Variants in YIPF4 observed in about 807,000 individuals in gnomAD.
YIPF4 encodes the protein protein YIPF4.
YIPF4 carries 18 observed loss-of-function variants against 29.4 expected under a neutral mutation model. The observed-to-expected ratio is 0.61, with a 90% confidence interval of 0.42 to 0.91. The LOEUF is 0.91. Ranked by LOEUF, YIPF4 falls within the 40% of genes least tolerant of loss-of-function variation. YIPF4 has a pLI of 0.00. For synonymous variants in YIPF4, 115 were observed against 104.7 expected (o/e 1.10, Z -0.60); for missense variants, 279 against 282.7 (o/e 0.99, Z 0.09).
chr2:32,280,200 T>C (rs926275280), intron 1 of YIPF4, among the ~76,000 whole-genome samples: 2 of 151,814 alleles, frequency 1.3e-5, no homozygotes, highest in African/African-American at 4.8e-5. Flanking sequence ...CAGTCTTGGC[T>C]CACTGCAAGC....
chr2:32,299,017 A>G (rs1188735035), intron 4 of YIPF4, among the ~76,000 whole-genome samples: 1 of 151,984 alleles, frequency 6.6e-6, no homozygotes, highest in Non-Finnish European at 1.5e-5. Flanking sequence ...AGCTAGGATT[A>G]CAAGCACCTG....
rs1207995924 is a variant in YIPF4 at position 32,316,190 on chromosome 2, A to G, written c.*10564A>G. Reference sequence around the variant, plus strand: ...GTAGGACTTATGTAGACAAAGGACTAATTTTCTTAATAAAAACATTTATCA... The same window carrying G: ...GTAGGACTTATGTAGACAAAGGACTGATTTTCTTAATAAAAACATTTATCA... On this transcript the variant is annotated 3_prime_UTR_variant, in exon 6 of 6. Coordinates refer to ENST00000238831, the MANE Select transcript of YIPF4 (RefSeq NM_032312.4). The G allele has an allele frequency of 6.6e-6, 1 of 152,198 alleles. No individual in the cohort carries two copies. Among genetic ancestry groups the G allele is most frequent in the Non-Finnish European group, 1.5e-5 (1 of 68,034 alleles). The allele number at this position is 152,198 out of a possible 1,614,324, so 9.4% of individuals were successfully genotyped here.
intron 1 of YIPF4, among the ~76,000 whole-genome samples, chr2:32,288,551 G>A (rs1317103610): frequency 1.3e-5 from 2 of 152,156 alleles, no homozygotes; most frequent in African/African-American, 4.8e-5. Context: ...GCTCACACCT[G>A]TAATCCCAGC....
At chr2:32,300,999 G>C (rs982215295) in intron 4 of YIPF4, among the ~76,000 whole-genome samples, 2 of 152,114 alleles carry the variant, frequency 1.3e-5, no homozygotes, top group African/African-American at 4.8e-5. Context: ...TAACATCTAG[G>C]TTCTCTAGAC....
chr2:32,299,843 G>C (rs1153121), intron 4 of YIPF4, among the ~76,000 whole-genome samples: 1 of 151,890 alleles, frequency 6.6e-6, no homozygotes, highest in Non-Finnish European at 1.5e-5. Context: ...TTTTGAGCTG[G>C]GTGTGCTGGC....
intron 1 of YIPF4, among the ~76,000 whole-genome samples, chr2:32,279,206 C>T (rs1449955485): frequency 1.3e-5 from 2 of 151,886 alleles, no homozygotes; most frequent in Admixed American, 6.6e-5. Context: ...CTCCTGACCT[C>T]GTGATCCGCC....
intron 3 of YIPF4, among the ~76,000 whole-genome samples, chr2:32,294,826 A>C (rs891989662): frequency 6.6e-6 from 1 of 152,228 alleles, no homozygotes; most frequent in African/African-American, 2.4e-5. Flanking sequence ...GCACCTCCGG[A>C]GGCCGAGGCT....
intron 4 of YIPF4, among the ~76,000 whole-genome samples, chr2:32,298,546 G>T (rs1345295530): frequency 6.6e-6 from 1 of 152,048 alleles, no homozygotes; most frequent in Non-Finnish European, 1.5e-5. Flanking sequence ...TTTTAGGGAA[G>T]CATATAATTT....
chr2:32,279,048 A>C (rs1371504062), intron 1 of YIPF4, among the ~76,000 whole-genome samples: 4 of 151,644 alleles, frequency 2.6e-5, no homozygotes, highest in Admixed American at 2.6e-4. Flanking sequence ...GCTCACTGCA[A>C]GCTCCGCCTC....
chr2:32,306,097 T>G lies in YIPF4; in HGVS notation c.*471T>G, dbSNP rs986449946. ...TGAAATAATTCTTACTCACAAAATATATTTCTGATAAACATTAAGATATTA... is the reference window on the plus strand; with the variant it reads ...TGAAATAATTCTTACTCACAAAATAGATTTCTGATAAACATTAAGATATTA... On this transcript the variant is annotated 3_prime_UTR_variant, in exon 6 of 6. Coordinates refer to ENST00000238831, the MANE Select transcript of YIPF4 (RefSeq NM_032312.4). 1 of 786,378 alleles carries G rather than the reference T, an allele frequency of 1.3e-6. No individual in the cohort carries two copies. The highest frequency in any genetic ancestry group is 1.9e-5 in the African/African-American group (1 of 53,038). 48.7% of individuals were successfully genotyped at this position (786,378 alleles called of 1,614,324 possible). A position where few individuals can be genotyped will look rare whatever the true frequency, so the allele number is the denominator to read the frequency against.
At chr2:32,302,985 C>A (rs1057435677) in intron 5 of YIPF4, among the ~76,000 whole-genome samples, 1 of 152,132 alleles carries the variant, frequency 6.6e-6, no homozygotes, top group East Asian at 1.9e-4. Context: ...GTCTGGTCTT[C>A]CGAGGTATCT....
chr2:32,286,957 T>C (rs1359708557), intron 1 of YIPF4, among the ~76,000 whole-genome samples: 1 of 152,198 alleles, frequency 6.6e-6, no homozygotes, highest in African/African-American at 2.4e-5. Flanking sequence ...TAAAATGGTA[T>C]CCTTAGGCCA....
chr2:32,300,501 A>G (rs1473104472), intron 4 of YIPF4, among the ~76,000 whole-genome samples: 4 of 151,904 alleles, frequency 2.6e-5, no homozygotes, highest in African/African-American at 9.7e-5. Flanking sequence ...AGTGAATGAT[A>G]TTAGAATATA....
chr2:32,286,779 C>T (rs147141509), intron 1 of YIPF4, among the ~76,000 whole-genome samples: 85 of 152,234 alleles, frequency 5.6e-4, no homozygotes, highest in Non-Finnish European at 7.5e-4. Flanking sequence ...CTCTTGACCT[C>T]GTGATCTGCC....
chr2:32,286,887 G>C (rs1174537201), intron 1 of YIPF4, among the ~76,000 whole-genome samples: 1 of 152,178 alleles, frequency 6.6e-6, no homozygotes, highest in Non-Finnish European at 1.5e-5. Context: ...AGGTCTAGCA[G>C]TTACAAGATT....
In YIPF4 at chr2:32,311,602, T is replaced by G. The variant is rs973713192; in HGVS notation, c.*5976T>G. ...ATACTAATATGAAAAAGAATATTTG[T>G]GTAAAATATTTTGAAGTTGTAATTA... On this transcript the variant is annotated 3_prime_UTR_variant, in exon 6 of 6. Transcript: ENST00000238831. 6.6e-6 allele frequency: 1 copy of G among 152,228 alleles called. No homozygotes were observed. Among genetic ancestry groups the G allele is most frequent in the Non-Finnish European group, 1.5e-5 (1 of 68,032 alleles). 9.4% of individuals were successfully genotyped at this position (152,228 alleles called of 1,614,324 possible).
intron 1 of YIPF4, among the ~76,000 whole-genome samples, chr2:32,280,397 TGAGACAGAGTCTTGCTCTGTC>T (rs2030345756): frequency 6.7e-6 from 1 of 150,324 alleles, no homozygotes; most frequent in Non-Finnish European, 1.5e-5. Context: ...TTTTTTTTTT[TGAGACAGAGTCTTGCTCTGTC>T]GCCCAGGCTG....
chr2:32,312,709 T>C lies in YIPF4; in HGVS notation c.*7083T>C, dbSNP rs1322910153. 2.6e-5 allele frequency: 4 copies of C among 151,732 alleles called. No homozygotes were observed. The highest frequency in any genetic ancestry group is 7.3e-5 in the African/African-American group (3 of 41,254). The allele number at this position is 151,732 out of a possible 1,614,324, so 9.4% of individuals were successfully genotyped here. On this transcript the variant is annotated 3_prime_UTR_variant, in exon 6 of 6. Transcript: ENST00000238831. Reference sequence around the variant, plus strand: ...GTGATAATGCAAAAAAGACCCCCAATAGGCCGGGCGCGGTGGCTCACGCCT... The same window carrying C: ...GTGATAATGCAAAAAAGACCCCCAACAGGCCGGGCGCGGTGGCTCACGCCT...
Position 32,314,477 on chromosome 2 carries a change from C to A in YIPF4, c.*8851C>A, listed in dbSNP as rs191143879. 1 of 152,074 alleles carries A rather than the reference C, an allele frequency of 6.6e-6. No individual in the cohort carries two copies. Among genetic ancestry groups the A allele is most frequent in the African/African-American group, 2.4e-5 (1 of 41,406 alleles). 9.4% of individuals were successfully genotyped at this position (152,074 alleles called of 1,614,324 possible). On this transcript the variant is annotated 3_prime_UTR_variant, in exon 6 of 6. Coordinates refer to ENST00000238831, the MANE Select transcript of YIPF4 (RefSeq NM_032312.4). ...TCACCTGAGGTTGGGAGTTTGAGAC[C>A]AGCCTGACCAACATGGAGAAACCCC...
Sources: gnomAD v4.1 joint callset for allele counts (sites outside exome capture counted in the v4.1 genomes callset) on GRCh38, gnomAD v4.1.1 for gene constraint, MANE v1.5 for transcripts, NCBI Gene and HGNC (gene_info 2026-07-23, HGNC 2026-07-21) for gene names.